Variants in CEP112 observed in about 807,000 individuals in gnomAD.
The protein encoded by CEP112 is centrosomal protein 112, also known as centrosomal protein of 112 kDa.
Under a neutral mutation model 153.0 loss-of-function variants are expected in CEP112, and 127 were observed. That is an observed-to-expected ratio of 0.83 (90% CI 0.72 to 0.96). CEP112 has a LOEUF of 0.96. CEP112 is among the 40% of genes least tolerant of loss of function. The pLI, the probability that CEP112 is intolerant of heterozygous loss-of-function variation, is 0.00. For missense variants in CEP112, 1,089 were observed against 1,101.2 expected (o/e 0.99, Z 0.16); for synonymous variants, 358 against 374.4 (o/e 0.96, Z 0.51).
At chr17:66,021,797 C>T (rs908338167) in intron 16 of CEP112, among the ~76,000 whole-genome samples, 3 of 152,150 alleles carry the variant, frequency 2.0e-5, no homozygotes, top group African/African-American at 7.2e-5. Context: ...ATTTGGCCTC[C>T]ACTGAGACTG....
At chr17:65,648,800 C>G (rs1383954210) in intron 24 of CEP112, among the ~76,000 whole-genome samples, 1 of 152,100 alleles carries the variant, frequency 6.6e-6, no homozygotes, top group African/African-American at 2.4e-5. Flanking sequence ...CCTGTAATCC[C>G]AGCACTCTGG....
At chr17:66,178,226 G>A (rs1490821749) in intron 2 of CEP112, among the ~76,000 whole-genome samples, 1 of 152,188 alleles carries the variant, frequency 6.6e-6, no homozygotes, top group Non-Finnish European at 1.5e-5. Flanking sequence ...GCCAGTGTTT[G>A]TTATTGCCTG....
At chr17:66,164,762 A>AG (rs2071865816) in intron 4 of CEP112, among the ~76,000 whole-genome samples, 1 of 151,580 alleles carries the variant, frequency 6.6e-6, no homozygotes, top group Non-Finnish European at 1.5e-5. Flanking sequence ...AGGCTGAGGC[A>AG]GAGAATTGCT....
chr17:65,681,780 C>T (rs1051492145), intron 24 of CEP112, among the ~76,000 whole-genome samples: 2 of 149,276 alleles, frequency 1.3e-5, no homozygotes, highest in African/African-American at 2.5e-5. Flanking sequence ...CTCAAGGGAT[C>T]CTCCTACCTT....
At chr17:66,062,336 A>C (rs2066956487) in intron 11 of CEP112, among the ~76,000 whole-genome samples, 1 of 151,044 alleles carries the variant, frequency 6.6e-6, no homozygotes, top group Admixed American at 6.6e-5. Flanking sequence ...TTTCTAATGC[A>C]CAGTAGAGTG....
Position 66,027,483 on chromosome 17 carries a change from T to G in CEP112, c.1656+18A>C, listed in dbSNP as rs766035719. 7.4e-7 allele frequency: 1 copy of G among 1,346,164 alleles called. No individual in the cohort carries two copies. The highest frequency in any genetic ancestry group is 1.4e-5 in the South Asian group (1 of 73,510). 83.4% of individuals were successfully genotyped at this position (1,346,164 alleles called of 1,614,324 possible). ...TTTGCTATTTTAAATATTTTATAGC[T>G]TCCATAAAACATATTACCTTTTTTT... On this transcript the variant is annotated intron_variant, in intron 16 of 26. Coordinates refer to ENST00000535342, the MANE Select transcript of CEP112 (RefSeq NM_001199165.4).
At chr17:65,945,808 G>A (rs903068656) in intron 18 of CEP112, among the ~76,000 whole-genome samples, 17 of 152,022 alleles carry the variant, frequency 1.1e-4, no homozygotes, top group African/African-American at 2.9e-4. Context: ...CATCATACCC[G>A]GCTAATTTTT....
chr17:65,983,095 T>C (rs969906063), intron 17 of CEP112, among the ~76,000 whole-genome samples: 2 of 152,148 alleles, frequency 1.3e-5, no homozygotes, highest in Non-Finnish European at 2.9e-5. Context: ...GCCTAATAAG[T>C]ATAGGATTTT....
chr17:65,658,311 G>T lies in CEP112; in HGVS notation c.2698-17246C>A, dbSNP rs903413067. Among the ~76,000 whole-genome samples the T allele has an allele frequency of 3.3e-5, 5 of 152,330 alleles. No individual in the cohort carries two copies. The East Asian group carries it at 5.8e-4, about 18-fold the overall frequency. On this transcript the variant is annotated intron_variant, in intron 24 of 26. Coordinates refer to ENST00000535342, the MANE Select transcript of CEP112 (RefSeq NM_001199165.4). ...GGAGAGGAGATTCTGGGATTCAGGG[G>T]GGCAGCTGGGAGCTGCTGGAGTGAT...
At chr17:65,660,206 T>TCCTTCCTTCCTTCCTTC (rs879609880) in intron 24 of CEP112, among the ~76,000 whole-genome samples, 3 of 130,726 alleles carry the variant, frequency 2.3e-5, no homozygotes, top group African/African-American at 9.5e-5. Flanking sequence ...CTTCCTTCCT[T>TCCTTCCTTCCTTCCTTC]CTTTCCTTCC....
intron 24 of CEP112, among the ~76,000 whole-genome samples, chr17:65,645,815 TC>T (rs2045399353): frequency 6.6e-6 from 1 of 152,230 alleles, no homozygotes; most frequent in Admixed American, 6.5e-5. Flanking sequence ...ATATGCTAGT[TC>T]CTTTTTCTAA....
chr17:65,728,059 T>A (rs1028533106), intron 23 of CEP112, among the ~76,000 whole-genome samples: 1 of 152,234 alleles, frequency 6.6e-6, no homozygotes, highest in Non-Finnish European at 1.5e-5. Flanking sequence ...GCCATGCCCA[T>A]CTGTTGACAT....
intron 25 of CEP112, among the ~76,000 whole-genome samples, chr17:65,637,485 A>AGTGTG (rs1256623705): frequency 5.9e-5 from 9 of 152,102 alleles, no homozygotes; most frequent in Non-Finnish European, 1.0e-4. Flanking sequence ...CTGCTTCCAC[A>AGTGTG]CCGTGTCTTT....
chr17:65,970,148 A>G (rs117911299), intron 17 of CEP112, among the ~76,000 whole-genome samples: 77 of 152,250 alleles, frequency 5.1e-4, no homozygotes, highest in African/African-American at 1.8e-3. Context: ...TGTATTTTGC[A>G]TGTGTATAGC....
At chr17:66,099,975 C>T (rs2068500180) in intron 6 of CEP112, among the ~76,000 whole-genome samples, 1 of 151,772 alleles carries the variant, frequency 6.6e-6, no homozygotes, top group South Asian at 2.1e-4. Context: ...TCAAATATAA[C>T]TTTTAAATAA....
At chr17:66,024,506 G>A (rs2065121334) in intron 16 of CEP112, among the ~76,000 whole-genome samples, 1 of 151,862 alleles carries the variant, frequency 6.6e-6, no homozygotes, top group Admixed American at 6.6e-5. Context: ...AAAATCAGTA[G>A]TATTTCTATG....
At chr17:65,638,127 C>A (rs1288301545) in intron 25 of CEP112, among the ~76,000 whole-genome samples, 1 of 152,224 alleles carries the variant, frequency 6.6e-6, no homozygotes, top group Non-Finnish European at 1.5e-5. Context: ...TAGTGCAGAG[C>A]TCAAAGCAGG....
intron 23 of CEP112, among the ~76,000 whole-genome samples, chr17:65,712,050 T>TCGACTGCTG (rs1387926488): frequency 3.3e-5 from 5 of 152,134 alleles, no homozygotes; most frequent in Non-Finnish European, 7.3e-5. Flanking sequence ...ACAGAGTCCA[T>TCGACTGCTG]CGACTGCTGC....
At chr17:65,689,799 T>C (rs2048006072) in intron 23 of CEP112, among the ~76,000 whole-genome samples, 1 of 152,090 alleles carries the variant, frequency 6.6e-6, no homozygotes, top group Non-Finnish European at 1.5e-5. Context: ...CAGGTTAATA[T>C]GGGAAATGGA....
Sources: allele counts gnomAD v4.1 joint callset (sites outside exome capture counted in the v4.1 genomes callset), GRCh38; gene constraint gnomAD v4.1.1; transcripts MANE v1.5; gene names NCBI Gene and HGNC (gene_info 2026-07-23, HGNC 2026-07-21).